FNBP1L: variants seen among roughly 807,000 people sequenced by gnomAD.
The protein encoded by FNBP1L is formin-binding protein 1-like.
In FNBP1L, 36 loss-of-function variants were observed where a neutral mutation model predicts 91.2. The ratio of observed to expected loss-of-function variants is 0.39; its 90% CI spans 0.30 to 0.52. The LOEUF is 0.52. Among genes scored for constraint, FNBP1L ranks in the 20% least tolerant of loss-of-function variants. The pLI is 0.66. For synonymous variants in FNBP1L, 242 were observed against 237.0 expected (o/e 1.02, Z -0.19); for missense variants, 571 against 732.1 (o/e 0.78, Z 2.54).
chr1:93,540,159 T>C (rs1671987179), intron 10 of FNBP1L, among the ~76,000 whole-genome samples: 3 of 152,152 alleles, frequency 2.0e-5, no homozygotes, highest in Admixed American at 6.6e-5. Flanking sequence ...GTGGGAGATA[T>C]ATCCAAATCC....
At chr1:93,541,093 A>C in intron 11 of FNBP1L, 37 bp downstream of exon 11, 1 of 1,525,792 alleles carries the variant, frequency 6.6e-7, no homozygotes, top group Non-Finnish European at 8.8e-7. Flanking sequence ...CTGTGCCAAC[A>C]TTAAGTAATC....
chr1:93,545,743 G>A (rs1393593101), intron 12 of FNBP1L, among the ~76,000 whole-genome samples: 2 of 152,038 alleles, frequency 1.3e-5, no homozygotes, highest in East Asian at 3.9e-4. Flanking sequence ...ATTAAGGCAT[G>A]ACCATGGGAA....
At chr1:93,451,037 C>A (rs1004064255) in intron 1 of FNBP1L, among the ~76,000 whole-genome samples, 2 of 152,234 alleles carry the variant, frequency 1.3e-5, no homozygotes, top group African/African-American at 4.8e-5. Context: ...TTCTAGTGTT[C>A]CAAATGAGTA....
intron 2 of FNBP1L, among the ~76,000 whole-genome samples, chr1:93,507,056 A>AAC (rs369423210): frequency 1.3e-3 from 44 of 35,022 alleles, no homozygotes; most frequent in Middle Eastern, 0.029. Flanking sequence ...AAAAACATGG[A>AAC]ACACACACAC....
intron 10 of FNBP1L, among the ~76,000 whole-genome samples, chr1:93,537,753 A>G (rs1231369303): frequency 1.3e-5 from 2 of 152,186 alleles, no homozygotes; most frequent in African/African-American, 4.8e-5. Flanking sequence ...CACTTGTTTG[A>G]AAGACTTTGA....
intron 1 of FNBP1L, among the ~76,000 whole-genome samples, chr1:93,492,124 T>G (rs979580303): frequency 6.6e-6 from 1 of 152,224 alleles, no homozygotes; most frequent in Non-Finnish European, 1.5e-5. Flanking sequence ...TTTTGAGTAC[T>G]GGAGAAAATA....
chr1:93,508,814 A>G (rs1670718866), intron 2 of FNBP1L, among the ~76,000 whole-genome samples: 1 of 152,170 alleles, frequency 6.6e-6, no homozygotes, highest in Non-Finnish European at 1.5e-5. Context: ...AAAGAAAGGA[A>G]TTTACTGGCT....
intron 2 of FNBP1L, among the ~76,000 whole-genome samples, chr1:93,515,051 C>A (rs549942897): frequency 2.0e-5 from 3 of 152,160 alleles, no homozygotes; most frequent in South Asian, 4.2e-4. Context: ...GAATCTACAA[C>A]GAACTCAAAC....
At chr1:93,521,885 T>C (rs1253834439) in intron 2 of FNBP1L, among the ~76,000 whole-genome samples, 197 bp from the exon 3 acceptor site, 1 of 152,158 alleles carries the variant, frequency 6.6e-6, no homozygotes, top group Non-Finnish European at 1.5e-5. Context: ...CCTTTCTTTC[T>C]CCAGGTATCA....
chr1:93,503,015 C>T (rs1294011254), intron 2 of FNBP1L, among the ~76,000 whole-genome samples: 1 of 152,098 alleles, frequency 6.6e-6, no homozygotes, highest in Non-Finnish European at 1.5e-5. Flanking sequence ...TTGGTTAACT[C>T]CCCTTATTTT....
chr1:93,550,821 T>C, intron 15 of FNBP1L, 126 bp from the exon 16 acceptor site: 1 of 890,852 alleles, frequency 1.1e-6, no homozygotes, highest in Non-Finnish European at 1.6e-6. Flanking sequence ...ATGTTGCTAG[T>C]GAGAGTCAGT....
chr1:93,460,964 G>T (rs936977339), intron 1 of FNBP1L, among the ~76,000 whole-genome samples: 5 of 152,138 alleles, frequency 3.3e-5, no homozygotes, highest in African/African-American at 9.6e-5. Flanking sequence ...ATAAAAATAG[G>T]TTTTTTATGT....
chr1:93,521,377 A>G (rs1227472074), intron 2 of FNBP1L, among the ~76,000 whole-genome samples: 4 of 152,096 alleles, frequency 2.6e-5, no homozygotes, highest in African/African-American at 7.2e-5. Flanking sequence ...ATTTTACCTT[A>G]GTATTAAAGT....
At chr1:93,464,196 T>C (rs1022484035) in intron 1 of FNBP1L, among the ~76,000 whole-genome samples, 17 of 152,204 alleles carry the variant, frequency 1.1e-4, no homozygotes, top group Non-Finnish European at 2.2e-4. Flanking sequence ...CTTAAACATA[T>C]GATTCAGCAA....
intron 1 of FNBP1L, among the ~76,000 whole-genome samples, chr1:93,498,663 T>C (rs1670346422): frequency 6.6e-6 from 1 of 152,164 alleles, no homozygotes; most frequent in Non-Finnish European, 1.5e-5. Flanking sequence ...ACCAAGTTAT[T>C]AGTCAATTTG....
chr1:93,469,306 A>G (rs534975724), intron 1 of FNBP1L, among the ~76,000 whole-genome samples: 51 of 146,506 alleles, frequency 3.5e-4, no homozygotes, highest in African/African-American at 1.2e-3. Flanking sequence ...TCATTGTTCA[A>G]CTCCTACTTA....
chr1:93,493,115 T>C (rs1353265409), intron 1 of FNBP1L, among the ~76,000 whole-genome samples: 2 of 152,022 alleles, frequency 1.3e-5, no homozygotes, highest in African/African-American at 4.8e-5. Context: ...AATACAAAAA[T>C]TAGCTGGGCT....
intron 2 of FNBP1L, among the ~76,000 whole-genome samples, chr1:93,502,136 G>T (rs1049493028): frequency 2.0e-5 from 3 of 152,138 alleles, no homozygotes; most frequent in African/African-American, 7.2e-5. Flanking sequence ...TTGCTTACTT[G>T]TGTTTGTATA....
chr1:93,526,720 T>C (rs1431512404), intron 5 of FNBP1L, among the ~76,000 whole-genome samples: 1 of 152,148 alleles, frequency 6.6e-6, no homozygotes, highest in Non-Finnish European at 1.5e-5. Context: ...AAAACAATCT[T>C]TTCTGGAGTA....
Sources: allele counts gnomAD v4.1 joint callset (sites outside exome capture counted in the v4.1 genomes callset), GRCh38; gene constraint gnomAD v4.1.1; transcripts MANE v1.5; gene names NCBI Gene and HGNC (gene_info 2026-07-23, HGNC 2026-07-21).